Variants in PRAMEF1 observed in about 807,000 individuals in gnomAD.
PRAMEF1 encodes PRAME family member 1.
Under a neutral mutation model 38.2 loss-of-function variants are expected in PRAMEF1, and 21 were observed. The ratio of observed to expected loss-of-function variants is 0.55; its 90% CI spans 0.39 to 0.79. The LOEUF is 0.79. Among genes scored for constraint, PRAMEF1 ranks in the 30% least tolerant of loss-of-function variants. The pLI is 0.00. For missense variants in PRAMEF1, 497 were observed against 565.8 expected (o/e 0.88, Z 1.23); for synonymous variants, 200 against 229.0 (o/e 0.87, Z 1.14).
Position 12,793,457 on chromosome 1 carries a change from C to T in PRAMEF1, c.230C>T (p.Thr77Ile), listed in dbSNP as rs560658012. The T allele has an allele frequency of 3.2e-5, 51 of 1,609,380 alleles. 3 individuals carry two copies. In the East Asian group the frequency reaches 7.0e-4, roughly 22 times the overall value. Residue 77 changes from threonine to isoleucine, a missense_variant, in exon 2 of 4, where the codon ACC becomes ATC. By Grantham distance (89) the Thr-to-Ile change is moderately conservative (BLOSUM62 -1). Transcript: ENST00000332296. ...GSLMKTLHLE[T>I]LKALLEGLHM... is the part of the protein sequence containing the mutation. ...CTGATGAAGACGCTTCATTTGGAGA[C>T]CTTAAAAGCATTGCTGGAAGGGCTT...
chr1:12,793,142 T>C (rs1211839896), intron 1 of PRAMEF1, 61 bp from the exon 2 acceptor site: 8 of 1,572,494 alleles, frequency 5.1e-6, no homozygotes, highest in South Asian at 1.2e-5. Flanking sequence ...CTGGTACCAG[T>C]AGAAGCAGAT....
chr1:12,794,636 T>C (rs1639360095), intron 3 of PRAMEF1, 143 bp downstream of exon 3: 2 of 1,524,102 alleles, frequency 1.3e-6, no homozygotes, highest in Non-Finnish European at 1.8e-6. Flanking sequence ...CATTGTCCCA[T>C]TCAGTGTTCC....
At chr1:12,794,737 A>G in intron 3 of PRAMEF1, 1 of 1,418,338 alleles carries the variant, frequency 7.1e-7, no homozygotes, top group Non-Finnish European at 9.4e-7. Context: ...TGTACAAGCT[A>G]GTTAGTGGGG....
At chr1:12,793,148 C>T in intron 1 of PRAMEF1, 55 bp from the exon 2 acceptor site, 1 of 1,579,848 alleles carries the variant, frequency 6.3e-7, no homozygotes, top group Non-Finnish European at 8.6e-7. Flanking sequence ...CCAGTAGAAG[C>T]AGATGATTGT....
Position 12,795,681 on chromosome 1 carries a change from G to A in PRAMEF1, c.1110G>A (p.Leu370=). The A allele has an allele frequency of 5.0e-6, 8 of 1,611,304 alleles. No homozygotes were observed. The highest frequency in any genetic ancestry group is 6.8e-6 in the Non-Finnish European group (8 of 1,179,572). The change falls in exon 4 of 4, where the codon CTG becomes CTA. Residue 370 remains leucine (L), a synonymous_variant. Coordinates refer to ENST00000332296, the MANE Select transcript of PRAMEF1 (RefSeq NM_023013.4). ...QIHYSQLSAI[L]PGLSRCSQLT... The stretch of plus-strand genomic sequence containing the variant: ...ACTACTCCCAACTCAGTGCCATCCT[G>A]CCTGGCCTGAGCCGCTGCTCCCAGC...
chr1:12,796,287 C>CAAGT lies in PRAMEF1; in HGVS notation c.*292_*295dup, dbSNP rs1369417047. 1 of 505,286 alleles carries CAAGT rather than the reference C, an allele frequency of 2.0e-6. No individual in the cohort carries two copies. Among genetic ancestry groups the CAAGT allele is most frequent in the Non-Finnish European group, 3.3e-6 (1 of 301,922 alleles). The allele number at this position is 505,286 out of a possible 1,614,324, so 31.3% of individuals were successfully genotyped here. ...ACATGCAACTTAAAGGAAGCACAGG[C>CAAGT]AAGTGTTCAGTGTGAGGGAAAAAAC... is the stretch of plus-strand genomic sequence containing the variant. On this transcript the variant is annotated 3_prime_UTR_variant, in exon 4 of 4. Transcript: ENST00000332296.
At chr1:12,792,060 T>C (rs2100295360) in intron 1 of PRAMEF1, among the ~76,000 whole-genome samples, 1 of 151,302 alleles carries the variant, frequency 6.6e-6, no homozygotes. Context: ...TTCCCTATTG[T>C]TGCCCAGGCT....
chr1:12,792,191 T>G (rs1280073844), intron 1 of PRAMEF1, among the ~76,000 whole-genome samples: 1 of 150,924 alleles, frequency 6.6e-6, no homozygotes. Flanking sequence ...CCAGCTAATT[T>G]TTGTATTTTT....
rs201175666 is a variant in PRAMEF1, at chr1:12,794,449, A to G, written c.822A>G (p.Ile274Met). Residue 274 changes from isoleucine to methionine, a missense_variant, in exon 3 of 4, where the codon ATA becomes ATG. Coordinates refer to ENST00000332296, the MANE Select transcript of PRAMEF1 (RefSeq NM_023013.4). ...LRLEHLQLLKIKLITFFSGHL... is the reference protein window; with the variant it reads ...LRLEHLQLLKMKLITFFSGHL... Reference sequence around the variant, plus strand: ...TGGAACACCTTCAGTTGCTTAAAATAAAATTGATCACCTTCTTCAGTGGGC... The same window carrying G: ...TGGAACACCTTCAGTTGCTTAAAATGAAATTGATCACCTTCTTCAGTGGGC... 4.1e-4 allele frequency: 663 copies of G among 1,602,254 alleles called. 82 individuals are homozygous for G. The highest frequency in any genetic ancestry group is 1.5e-3 in the South Asian group (136 of 90,110).
chr1:12,791,928 T>A (rs1232533585), intron 1 of PRAMEF1, among the ~76,000 whole-genome samples: 1 of 151,032 alleles, frequency 6.6e-6, no homozygotes, highest in Non-Finnish European at 1.5e-5. Flanking sequence ...TGTCCAAAAG[T>A]GGGTAATTGT....
Position 12,793,222 on chromosome 1 carries a change from A to C in PRAMEF1, c.-6A>C, listed in dbSNP as rs375417480. ...TTCTAGAGATTTTCCTTGCAGATCT[A>C]TCAGGATGAGCATCCAGGCCCCACC... On this transcript the variant is annotated 5_prime_UTR_variant, in exon 2 of 4. Coordinates refer to ENST00000332296, the MANE Select transcript of PRAMEF1 (RefSeq NM_023013.4). The C allele has an allele frequency of 7.5e-6, 12 of 1,606,780 alleles. No homozygotes were observed. Among genetic ancestry groups the C allele is most frequent in the Non-Finnish European group, 1.0e-5 (12 of 1,177,204 alleles).
rs771825397 is a variant in PRAMEF1 at position 12,793,954 on chromosome 1, C to A, written c.327C>A (p.Asp109Glu). ...KLQVLDLRDV[D>E]ENFWARWPGA... Reference sequence around the variant, plus strand: ...AAGTGCTGGATTTGCGGGATGTTGACGAGAATTTCTGGGCCAGATGGCCTG... The same window carrying A: ...AAGTGCTGGATTTGCGGGATGTTGAAGAGAATTTCTGGGCCAGATGGCCTG... The change falls in exon 3 of 4, where the codon GAC becomes GAA. Residue 109 changes from aspartate to glutamate, a missense_variant. Asp to Glu is a conservative substitution (Grantham distance 45, BLOSUM62 2). Transcript: ENST00000332296. 1 of 1,605,780 alleles carries A rather than the reference C, an allele frequency of 6.2e-7. No homozygotes were observed. Among genetic ancestry groups the A allele is most frequent in the Non-Finnish European group, 8.5e-7 (1 of 1,175,922 alleles).
In PRAMEF1 at chr1:12,794,511, A is replaced by G; in HGVS notation, c.866+18A>G. 6.2e-7 allele frequency: 1 copy of G among 1,609,568 alleles called. No homozygotes were observed. Among genetic ancestry groups the G allele is most frequent in the Non-Finnish European group, 8.5e-7 (1 of 1,177,510 alleles). On this transcript the variant is annotated intron_variant, in intron 3 of 3. Coordinates refer to ENST00000332296, the MANE Select transcript of PRAMEF1 (RefSeq NM_023013.4). ...CTGATCAGGTGAGAAAGGATCATGC[A>G]CTTTGTATGCAGACCACAGCATAGC... is the stretch of plus-strand genomic sequence containing the variant.
Position 12,795,199 on chromosome 1 carries a change from A to AT in PRAMEF1, c.867-239_867-238insT, listed in dbSNP as rs57148710. ...TTTCTGCTAAAAGATGAAAAAAAAA[A>AT]GGCTTTAGAGATTTTATGGCCTTGA... On this transcript the variant is annotated intron_variant, in intron 3 of 3. Coordinates refer to ENST00000332296, the MANE Select transcript of PRAMEF1 (RefSeq NM_023013.4). Among the ~76,000 whole-genome samples the AT allele has an allele frequency of 2.0e-5, 3 of 151,452 alleles. 1 individual carries two copies. The East Asian group carries it at 5.9e-4, about 30-fold the overall frequency.
chr1:12,795,482 A>G lies in PRAMEF1; in HGVS notation c.911A>G (p.Tyr304Cys). Residue 304 changes from tyrosine (Y) to cysteine (C), a missense_variant, in exon 4 of 4, where the codon TAC (tyrosine) becomes TGC (cysteine). Tyr to Cys is a radical substitution (Grantham distance 194, BLOSUM62 -2). This residue lies in a region of PRAMEF1 where 470 missense variants were observed against 501.9 expected (regional missense o/e 0.94). Coordinates refer to ENST00000332296, the MANE Select transcript of PRAMEF1 (RefSeq NM_023013.4). ...GAGAACTTGGAATTAACTTATGGCT[A>G]CCTATTGGAAGAAGACATGAAGTGT... ...PLENLELTYG[Y>C]LLEEDMKCLS... 1 of 1,612,366 alleles carries G rather than the reference A, an allele frequency of 6.2e-7. No individual in the cohort carries two copies. The highest frequency in any genetic ancestry group is 2.2e-5 in the East Asian group (1 of 44,778).
At chr1:12,794,565 G>T in intron 3 of PRAMEF1, 72 bp downstream of exon 3, 2 of 1,564,964 alleles carry the variant, frequency 1.3e-6, no homozygotes, top group Admixed American at 1.7e-5. Flanking sequence ...ACATTAGAAT[G>T]CATGTACTGT....
In PRAMEF1 at chr1:12,794,418, T is replaced by A. The variant is rs1340351033; in HGVS notation, c.791T>A (p.Leu264His). 7 of 1,610,650 alleles carry A rather than the reference T, an allele frequency of 4.3e-6. No homozygotes were observed. Among genetic ancestry groups the A allele is most frequent in the Non-Finnish European group, 5.9e-6 (7 of 1,178,016 alleles). The change falls in exon 3 of 4, where the codon CTC (leucine) becomes CAC (histidine). Residue 264 changes from leucine to histidine, a missense_variant. This residue lies in a region of PRAMEF1 where 470 missense variants were observed against 501.9 expected (regional missense o/e 0.94). Transcript: ENST00000332296. The part of the protein sequence containing the change: ...RLVAKFSSVF[L>H]RLEHLQLLKI... ...GTTGCCAAATTCAGCTCTGTGTTCCTCAGGCTGGAACACCTTCAGTTGCTT... is the reference window on the plus strand; with the variant it reads ...GTTGCCAAATTCAGCTCTGTGTTCCACAGGCTGGAACACCTTCAGTTGCTT...
chr1:12,794,935 C>A (rs1461210570), intron 3 of PRAMEF1: 1 of 1,324,918 alleles, frequency 7.5e-7, no homozygotes, highest in Admixed American at 2.3e-5. Context: ...CTCTGATTCC[C>A]TGTTTGTAAA....
Position 12,794,242 on chromosome 1 carries a change from T to A in PRAMEF1, c.615T>A (p.Asn205Lys). 2 of 1,611,716 alleles carry A rather than the reference T, an allele frequency of 1.2e-6. No homozygotes were observed. The highest frequency in any genetic ancestry group is 2.2e-5 in the South Asian group (2 of 90,866). Residue 205 changes from asparagine (N) to lysine (K), a missense_variant, in exon 3 of 4, where the codon AAT becomes AAA. This residue lies in a region of PRAMEF1 where 470 missense variants were observed against 501.9 expected (regional missense o/e 0.94). Transcript: ENST00000332296. ...AGTCATTGAAAATAATATACCTGAA[T>A]AGTATTCAAGAGCTGGAAATTCGCA... is the stretch of plus-strand genomic sequence containing the variant. ...LRKSLKIIYLNSIQELEIRNM... is the reference protein window; with the variant it reads ...LRKSLKIIYLKSIQELEIRNM...
Sources: gnomAD v4.1 joint callset for allele counts (sites outside exome capture counted in the v4.1 genomes callset) on GRCh38, gnomAD v4.1.1 for gene constraint, gnomAD v4.1.1 regional missense constraint, MANE v1.5 for transcripts, NCBI Gene and HGNC (gene_info 2026-07-23, HGNC 2026-07-21) for gene names.